PRKCE: variants seen among roughly 807,000 people sequenced by gnomAD.
PRKCE encodes protein kinase C epsilon.
In PRKCE, 16 loss-of-function variants were observed where a neutral mutation model predicts 85.4. The ratio of observed to expected loss-of-function variants is 0.19; its 90% CI spans 0.13 to 0.28. PRKCE has a LOEUF of 0.28. PRKCE is among the 10% of genes least tolerant of loss of function. The probability of loss-of-function intolerance (pLI) is 1.00; values close to 1 mark genes in which losing one functional copy is unlikely to be tolerated. For synonymous variants in PRKCE, 388 were observed against 371.5 expected, an observed-to-expected ratio of 1.04 and a Z score of -0.51; for missense variants, 573 against 975.2, an observed-to-expected ratio of 0.59 and a Z score of 5.49.
At chr2:45,973,911 T>G (rs2104513631) in intron 2 of PRKCE, among the ~76,000 whole-genome samples, 1 of 152,318 alleles carries the variant, frequency 6.6e-6, no homozygotes, top group South Asian at 2.1e-4. Context: ...CTAGTCAATT[T>G]GAGAGATTTG....
At chr2:45,772,002 C>T (rs1045033853) in intron 1 of PRKCE, among the ~76,000 whole-genome samples, 14 of 152,160 alleles carry the variant, frequency 9.2e-5, no homozygotes, top group Non-Finnish European at 2.9e-5. Flanking sequence ...AGGGCAACCC[C>T]TTCTCATATC....
In PRKCE at chr2:45,944,655, ATTTTTTTT is replaced by A. The variant is rs71394861; in HGVS notation, c.413-31754_413-31747del. 9.8e-3 allele frequency among the ~76,000 whole-genome samples: 741 copies of A among 75,610 alleles called. 9 individuals are homozygous for A. The highest frequency in any genetic ancestry group is 0.036 in the African/African-American group (596 of 16,344). 49.6% of individuals were successfully genotyped at this position (75,610 alleles called of 152,430 possible). ...AGGTGCGTGCCACCATACCCGGCTA[ATTTTTTTT>A]TTTTTTTTTTTTTTTTTTTGTAGAG... On this transcript the variant is annotated intron_variant, in intron 2 of 14. Transcript: ENST00000306156.
At chr2:46,167,247 T>G (rs1678429635) in intron 14 of PRKCE, among the ~76,000 whole-genome samples, 1 of 152,198 alleles carries the variant, frequency 6.6e-6, no homozygotes, top group South Asian at 2.1e-4. Context: ...CACTTCTCTC[T>G]GAGCCTCGGT....
intron 10 of PRKCE, among the ~76,000 whole-genome samples, chr2:46,045,552 C>T (rs1708470773): frequency 6.6e-6 from 1 of 152,220 alleles, no homozygotes; most frequent in South Asian, 2.1e-4. Context: ...TCTCCTCCCT[C>T]TGGTATCAAG....
chr2:45,813,627 C>T (rs1010779567), intron 1 of PRKCE, among the ~76,000 whole-genome samples: 2 of 152,162 alleles, frequency 1.3e-5, no homozygotes, highest in Non-Finnish European at 2.9e-5. Context: ...AAGGAGGTCA[C>T]CCAGCGACTT....
intron 2 of PRKCE, among the ~76,000 whole-genome samples, chr2:45,908,238 C>T (rs1302067663): frequency 1.3e-5 from 2 of 152,156 alleles, no homozygotes; most frequent in Admixed American, 6.5e-5. Context: ...GCTTCTCAGG[C>T]ACAGGTTGAA....
intron 14 of PRKCE, among the ~76,000 whole-genome samples, chr2:46,180,725 C>T (rs1331418763): frequency 1.3e-5 from 2 of 152,220 alleles, no homozygotes; most frequent in East Asian, 1.9e-4. Flanking sequence ...AACCTAATAT[C>T]ACATCTCACT....
chr2:45,663,759 G>C lies in PRKCE; in HGVS notation c.348+11311G>C, dbSNP rs557632074. On this transcript the variant is annotated intron_variant, in intron 1 of 14. Coordinates refer to ENST00000306156, the MANE Select transcript of PRKCE (RefSeq NM_005400.3). ...TGTTACGCCACTGCGCTCTAGCCTG[G>C]GTGACAGAGCGAGACTCCGTCTCAA... is the stretch of plus-strand genomic sequence containing the variant. Among the ~76,000 whole-genome samples the C allele has an allele frequency of 1.5e-3, 224 of 152,210 alleles. 1 individual carries two copies. The highest frequency in any genetic ancestry group is 2.6e-3 in the Non-Finnish European group (177 of 67,998).
Position 45,785,565 on chromosome 2 carries a change from G to A in PRKCE, c.349-57435G>A, listed in dbSNP as rs143930073. ...GAAAGCTGGAGGCAGTGCATGACTG[G>A]CAGAGGTTTGAGAAACGCTGTAGAA... On this transcript the variant is annotated intron_variant, in intron 1 of 14. Transcript: ENST00000306156. Among the ~76,000 whole-genome samples, 5 of 152,288 alleles carry A rather than the reference G, an allele frequency of 3.3e-5. No homozygotes were observed. In the East Asian group the frequency reaches 9.6e-4, roughly 29 times the overall value.
chr2:46,043,464 A>G (rs114567294), intron 10 of PRKCE, among the ~76,000 whole-genome samples: 3,769 of 152,298 alleles, frequency 0.025, 62 homozygotes, highest in Middle Eastern at 0.051. Context: ...TTAATATATT[A>G]TGTTACAAAT....
Position 45,820,890 on chromosome 2 carries a change from C to A in PRKCE, c.349-22110C>A, listed in dbSNP as rs183370774. Reference sequence around the variant, plus strand: ...CACCTGGCCTTCTGTCTCCCCACCCCCTTCCCACCCCCCAGCATGGCAACA... The same window carrying A: ...CACCTGGCCTTCTGTCTCCCCACCCACTTCCCACCCCCCAGCATGGCAACA... On this transcript the variant is annotated intron_variant, in intron 1 of 14. Coordinates refer to ENST00000306156, the MANE Select transcript of PRKCE (RefSeq NM_005400.3). Among the ~76,000 whole-genome samples the A allele has an allele frequency of 4.6e-5, 7 of 152,228 alleles. No individual in the cohort carries two copies. In the East Asian group the frequency reaches 1.4e-3, roughly 29 times the overall value.
intron 1 of PRKCE, among the ~76,000 whole-genome samples, chr2:45,656,561 G>C (rs1675388242): frequency 6.6e-6 from 1 of 152,190 alleles, no homozygotes; most frequent in Non-Finnish European, 1.5e-5. Context: ...GGTTTTCCAA[G>C]AACCAGTTAA....
intron 1 of PRKCE, among the ~76,000 whole-genome samples, chr2:45,653,485 T>G (rs1263247497): frequency 6.7e-6 from 1 of 148,548 alleles, no homozygotes; most frequent in Non-Finnish European, 1.5e-5. Flanking sequence ...CAAGCGTTCC[T>G]CTGGAGGTAT....
At chr2:46,122,176 T>C (rs932833516) in intron 11 of PRKCE, among the ~76,000 whole-genome samples, 2 of 152,138 alleles carry the variant, frequency 1.3e-5, no homozygotes, top group Non-Finnish European at 2.9e-5. Flanking sequence ...ATTCTGCCAA[T>C]AGGTTAGTTT....
intron 1 of PRKCE, among the ~76,000 whole-genome samples, chr2:45,728,531 T>A (rs1468936740): frequency 6.6e-6 from 1 of 152,170 alleles, no homozygotes; most frequent in African/African-American, 2.4e-5. Flanking sequence ...CTATTGGGTG[T>A]CATTTTATAT....
intron 2 of PRKCE, among the ~76,000 whole-genome samples, chr2:45,883,638 G>A (rs1423234084): frequency 6.6e-6 from 1 of 152,156 alleles, no homozygotes; most frequent in Non-Finnish European, 1.5e-5. Context: ...TTTTTATCAT[G>A]CCTGTGTGGA....
intron 3 of PRKCE, chr2:45,978,622 A>G (rs1298718026): frequency 9.3e-6 from 2 of 215,642 alleles, no homozygotes; most frequent in African/African-American, 2.3e-5. Flanking sequence ...AGGAATGTCC[A>G]TTCTATCCAC....
At chr2:45,951,441 G>A (rs1319281603) in intron 2 of PRKCE, among the ~76,000 whole-genome samples, 1 of 152,132 alleles carries the variant, frequency 6.6e-6, no homozygotes, top group Non-Finnish European at 1.5e-5. Context: ...CTTCCTCACT[G>A]AGACTAGGCA....
At chr2:45,989,972 C>G (rs923345095) in intron 6 of PRKCE, among the ~76,000 whole-genome samples, 3 of 152,162 alleles carry the variant, frequency 2.0e-5, no homozygotes, top group African/African-American at 7.2e-5. Context: ...AAAATGTCCT[C>G]TTTTTGTGTG....
Sources: allele counts gnomAD v4.1 joint callset (sites outside exome capture counted in the v4.1 genomes callset), GRCh38; gene constraint gnomAD v4.1.1; transcripts MANE v1.5; gene names NCBI Gene and HGNC (gene_info 2026-07-23, HGNC 2026-07-21).